ELAPOR1: variants seen among roughly 807,000 people sequenced by gnomAD.
The protein encoded by ELAPOR1 is endosome-lysosome associated apoptosis and autophagy regulator 1.
In ELAPOR1, 77 loss-of-function variants were observed where a neutral mutation model predicts 119.7. That is an observed-to-expected ratio of 0.64 (90% confidence interval 0.54 to 0.78). The LOEUF (loss-of-function observed/expected upper bound fraction) is 0.78, where lower values mean the gene tolerates loss of function less well. Among genes scored for constraint, ELAPOR1 ranks in the 30% least tolerant of loss-of-function variants. The pLI is 0.00. For synonymous variants in ELAPOR1, 481 were observed against 487.2 expected, an observed-to-expected ratio of 0.99 and a Z score of 0.17; for missense variants, 1,115 against 1,270.4, an observed-to-expected ratio of 0.88 and a Z score of 1.86.
chr1:109,134,622 C>T (rs761860699), intron 1 of ELAPOR1, among the ~76,000 whole-genome samples: 9 of 152,182 alleles, frequency 5.9e-5, no homozygotes, highest in East Asian at 1.9e-4. Flanking sequence ...GCTGCTCAGG[C>T]GGCTGCTGCA....
chr1:109,183,144 T>C (rs1480546125), intron 7 of ELAPOR1, among the ~76,000 whole-genome samples: 1 of 152,092 alleles, frequency 6.6e-6, no homozygotes, highest in East Asian at 1.9e-4. Flanking sequence ...ATCTCTTTTT[T>C]TCAAATTTTC....
At chr1:109,189,704 G>A (rs1342859921) in intron 11 of ELAPOR1, 22 bp downstream of exon 11, 7 of 1,597,506 alleles carry the variant, frequency 4.4e-6, no homozygotes, top group Non-Finnish European at 6.0e-6. Flanking sequence ...AAAGCCCAGG[G>A]GAGTCCAGGC....
In ELAPOR1 at chr1:109,188,390, C is replaced by T. The variant is rs188926855; in HGVS notation, c.1219+36C>T. The T allele has an allele frequency of 2.8e-4, 444 of 1,580,374 alleles. 1 individual carries two copies. The East Asian group carries it at 4.6e-3, about 16-fold the overall frequency. On this transcript the variant is annotated intron_variant, in intron 9 of 21. Coordinates refer to ENST00000369939, the MANE Select transcript of ELAPOR1 (RefSeq NM_020775.5). Reference sequence around the variant, plus strand: ...CACCACCCCACTCTCTGCAGCACATCGACTGTGTGGGTGGGCTGTGTGGGC... The same window carrying T: ...CACCACCCCACTCTCTGCAGCACATTGACTGTGTGGGTGGGCTGTGTGGGC...
rs1187192136 is a variant in ELAPOR1, at chr1:109,183,549, TTTCCTTCCTTCC to T, written c.953-1447_953-1436del. Among the ~76,000 whole-genome samples the T allele has an allele frequency of 5.5e-3, 446 of 81,166 alleles. 10 individuals carry two copies. The highest frequency in any genetic ancestry group is 0.018 in the African/African-American group (413 of 22,680). The allele number at this position is 81,166 out of a possible 152,430, so 53.2% of individuals were successfully genotyped here. On this transcript the variant is annotated intron_variant, in intron 7 of 21. Coordinates refer to ENST00000369939, the MANE Select transcript of ELAPOR1 (RefSeq NM_020775.5). ...GTTCACGTTTTTCTTCTTTCTTTCT[TTTCCTTCCTTCC>T]TTCCTTCCTTCCTTCCTTCCTTCCT...
intron 3 of ELAPOR1, 120 bp from the exon 4 acceptor site, chr1:109,171,746 A>C: frequency 9.4e-7 from 1 of 1,058,432 alleles, no homozygotes; most frequent in Non-Finnish European, 1.4e-6. Flanking sequence ...TCCAAGTTTC[A>C]GTTTGTGAAT....
intron 1 of ELAPOR1, among the ~76,000 whole-genome samples, chr1:109,152,107 CAAGCAATCCTTCTGCCCTGGCCTCCCA>C (rs567129285): frequency 2.0e-5 from 3 of 152,286 alleles, no homozygotes; most frequent in Admixed American, 2.0e-4. Flanking sequence ...CTCCTGGCCT[CAAGCAATCCTTCTGCCCTGGCCTCCCA>C]AAGTGTTGGG....
At chr1:109,201,232 C>T (rs1457463777) in intron 21 of ELAPOR1, 42 of 448,696 alleles carry the variant, frequency 9.4e-5, no homozygotes, top group Admixed American at 3.8e-4. Context: ...TTTTTATTTT[C>T]ACTGAAAAGG....
intron 21 of ELAPOR1, among the ~76,000 whole-genome samples, chr1:109,202,521 A>G (rs1654241271): frequency 6.6e-6 from 1 of 151,790 alleles, no homozygotes; most frequent in Admixed American, 6.6e-5. Flanking sequence ...GGCTTACTGC[A>G]ACCTCTGTTC....
At chr1:109,165,749 T>TTC (rs148405686) in intron 3 of ELAPOR1, among the ~76,000 whole-genome samples, 26 of 41,732 alleles carry the variant, frequency 6.2e-4, no homozygotes, top group Middle Eastern at 0.013. Flanking sequence ...CTTCTTCTTC[T>TTC]TTTTTTTTTT....
At chr1:109,188,072 G>T in intron 8 of ELAPOR1, 105 bp from the exon 9 acceptor site, 1 of 1,476,902 alleles carries the variant, frequency 6.8e-7, no homozygotes, top group Non-Finnish European at 9.0e-7. Context: ...GCTCTTACCT[G>T]GCCCAGAATC....
chr1:109,196,124 C>T (rs1032322040), intron 15 of ELAPOR1, among the ~76,000 whole-genome samples: 1 of 152,126 alleles, frequency 6.6e-6, no homozygotes, highest in African/African-American at 2.4e-5. Flanking sequence ...CCACTGCACT[C>T]CAGCCTGGAC....
At position 109,145,353 on chromosome 1, in the gene ELAPOR1, A is replaced by G. The variant is rs375714307; in HGVS notation, c.154-16541A>G. ...ATTGTAGTAGCACAGACAGACTAAGACAATATTCATTGAAATTTAAGGCTG... is the reference window on the plus strand; with the variant it reads ...ATTGTAGTAGCACAGACAGACTAAGGCAATATTCATTGAAATTTAAGGCTG... On this transcript the variant is annotated intron_variant, in intron 1 of 21. Transcript: ENST00000369939. Among the ~76,000 whole-genome samples, 93 of 152,244 alleles carry G rather than the reference A, an allele frequency of 6.1e-4. 2 individuals carry two copies. The South Asian group carries it at 0.019, about 31-fold the overall frequency.
chr1:109,177,275 G>T (rs1652379193), intron 7 of ELAPOR1, among the ~76,000 whole-genome samples: 1 of 149,472 alleles, frequency 6.7e-6, no homozygotes, highest in Admixed American at 6.6e-5. Flanking sequence ...CGGCTGCCGG[G>T]CAGAGACGCT....
intron 1 of ELAPOR1, among the ~76,000 whole-genome samples, chr1:109,122,545 C>T: frequency 6.6e-6 from 1 of 151,732 alleles, no homozygotes; most frequent in Admixed American, 6.6e-5. Flanking sequence ...CCTGTAGACC[C>T]AGACACTAGG....
At position 109,114,159 on chromosome 1, in the gene ELAPOR1, A is replaced by G; in HGVS notation, c.-25A>G. 1.3e-6 allele frequency: 2 copies of G among 1,524,230 alleles called. No individual in the cohort carries two copies. The highest frequency in any genetic ancestry group is 2.5e-5 in the East Asian group (1 of 39,432). The allele number at this position is 1,524,230 out of a possible 1,614,324, so 94.4% of individuals were successfully genotyped here. ...CAGCAGCCGCAGCACCTGAGCCGCT[A>G]CTGCCGCTCACTCAGGACAACGCTA... On this transcript the variant is annotated 5_prime_UTR_variant, in exon 1 of 22. Transcript: ENST00000369939.
intron 8 of ELAPOR1, 68 bp downstream of exon 8, chr1:109,185,201 C>A: frequency 8.3e-7 from 1 of 1,199,430 alleles, no homozygotes; most frequent in Non-Finnish European, 1.2e-6. Flanking sequence ...AGGTTTGCCA[C>A]CATTTGGAAC....
intron 1 of ELAPOR1, among the ~76,000 whole-genome samples, chr1:109,146,352 A>T (rs544569907): frequency 1.3e-5 from 2 of 152,204 alleles, no homozygotes; most frequent in Non-Finnish European, 2.9e-5. Context: ...TCTCGATTCA[A>T]AAATTAAGAA....
At chr1:109,197,081 T>G (rs1290984365) in intron 15 of ELAPOR1, among the ~76,000 whole-genome samples, 1 of 151,040 alleles carries the variant, frequency 6.6e-6, no homozygotes, top group East Asian at 1.9e-4. Context: ...GCAGGAAGAT[T>G]GCTTGAGCCC....
At chr1:109,123,718 C>T (rs952716640) in intron 1 of ELAPOR1, among the ~76,000 whole-genome samples, 1 of 152,202 alleles carries the variant, frequency 6.6e-6, no homozygotes, top group Non-Finnish European at 1.5e-5. Flanking sequence ...ATTGGTTAAG[C>T]TCATTGTAAA....
Sources: allele counts gnomAD v4.1 joint callset (sites outside exome capture counted in the v4.1 genomes callset), GRCh38; gene constraint gnomAD v4.1.1; transcripts MANE v1.5; gene names NCBI Gene and HGNC (gene_info 2026-07-23, HGNC 2026-07-21).